SLC22A24: variants seen among roughly 807,000 people sequenced by gnomAD.
The protein encoded by SLC22A24 is steroid transmembrane transporter SLC22A24.
SLC22A24 carries 53 observed loss-of-function variants against 49.8 expected under a neutral mutation model. The observed-to-expected ratio is 1.06, with a 90% CI of 0.85 to 1.34. SLC22A24 has a LOEUF of 1.34. Ranked by LOEUF, SLC22A24 falls within the 40% of genes most tolerant of loss-of-function variation. The pLI is 0.00. For missense variants in SLC22A24, 786 were observed against 675.9 expected (o/e 1.16, Z -1.81); for synonymous variants, 302 against 256.4 (o/e 1.18, Z -1.70).
At chr11:63,097,770 C>G (rs2087064687) in intron 5 of SLC22A24, among the ~76,000 whole-genome samples, 1 of 151,868 alleles carries the variant, frequency 6.6e-6, no homozygotes, top group African/African-American at 2.4e-5. Flanking sequence ...ATCCATGTCC[C>G]TACATGGATG....
chr11:63,102,410 G>A (rs2087096873), intron 5 of SLC22A24, among the ~76,000 whole-genome samples: 1 of 152,060 alleles, frequency 6.6e-6, no homozygotes, highest in East Asian at 1.9e-4. Flanking sequence ...ACAGCCTCTA[G>A]GATACTCAGA....
At chr11:63,095,895 T>C in intron 6 of SLC22A24, 96 bp downstream of exon 6, 2 of 906,600 alleles carry the variant, frequency 2.2e-6, no homozygotes. Flanking sequence ...TCTTATGTAT[T>C]AAATGTCCTC....
chr11:63,106,176 G>A (rs2087120625), intron 4 of SLC22A24, among the ~76,000 whole-genome samples: 2 of 146,582 alleles, frequency 1.4e-5, no homozygotes, highest in Non-Finnish European at 3.0e-5. Flanking sequence ...GTGAGAACAT[G>A]CGGTGTTTGG....
At position 63,104,249 on chromosome 11, in the gene SLC22A24, C is replaced by T; in HGVS notation, c.880G>A (p.Glu294Lys). Residue 294 changes from glutamate (E) to lysine (K), a missense_variant, in exon 5 of 10, where the codon GAG becomes AAG. Glu to Lys is a moderately conservative substitution (Grantham distance 56). Transcript: ENST00000612278. The stretch of plus-strand genomic sequence containing the variant: ...ACTCTTCTAAGCTCCTTTAAGCCCT[C>T]ATCTAGCTGATTGTTGATAATCAGC... ...RWLIINNQLD[E>K]GLKELRRVAH... The T allele has an allele frequency of 1.3e-6, 2 of 1,550,756 alleles. No individual in the cohort carries two copies. The highest frequency in any genetic ancestry group is 1.2e-5 in the South Asian group (1 of 84,024).
At chr11:63,112,040 G>A (rs1355229991) in intron 4 of SLC22A24, among the ~76,000 whole-genome samples, 1 of 151,778 alleles carries the variant, frequency 6.6e-6, no homozygotes, top group Non-Finnish European at 1.5e-5. Flanking sequence ...AGAGATTCTG[G>A]TATGTTGTGT....
At chr11:63,137,967 G>A (rs1360169553) in intron 1 of SLC22A24, 2 of 152,198 alleles carry the variant, frequency 1.3e-5, no homozygotes, top group African/African-American at 4.8e-5. Flanking sequence ...ATCTGCAAGG[G>A]TTTGATTAAT....
intron 2 of SLC22A24, among the ~76,000 whole-genome samples, chr11:63,120,188 T>C (rs1466051149): frequency 6.6e-6 from 1 of 151,124 alleles, no homozygotes; most frequent in African/African-American, 2.4e-5. Flanking sequence ...AGACATGAAG[T>C]CCTTGCCCAT....
intron 2 of SLC22A24, among the ~76,000 whole-genome samples, chr11:63,130,894 A>G (rs1292950759): frequency 1.3e-5 from 2 of 151,310 alleles, no homozygotes; most frequent in Non-Finnish European, 2.9e-5. Context: ...TCTCATTATT[A>G]TTGTGTGGTA....
At chr11:63,112,345 T>C (rs2087171973) in intron 4 of SLC22A24, among the ~76,000 whole-genome samples, 1 of 152,146 alleles carries the variant, frequency 6.6e-6, no homozygotes, top group African/African-American at 2.4e-5. Context: ...GGGTAGAGAG[T>C]TCTGTAGATG....
chr11:63,123,023 G>A (rs1199511804), intron 2 of SLC22A24, among the ~76,000 whole-genome samples: 2 of 152,072 alleles, frequency 1.3e-5, no homozygotes, highest in Non-Finnish European at 2.9e-5. Context: ...GTTAACTAAA[G>A]TAATCCTACA....
chr11:63,108,656 C>G (rs1344581979), intron 4 of SLC22A24, among the ~76,000 whole-genome samples: 1 of 152,022 alleles, frequency 6.6e-6, no homozygotes, highest in Non-Finnish European at 1.5e-5. Flanking sequence ...GGTGTTTAGT[C>G]TTGGGAGGGT....
chr11:63,127,476 T>A (rs11494054), intron 2 of SLC22A24, among the ~76,000 whole-genome samples: 18,057 of 152,210 alleles, frequency 0.12, 1,204 homozygotes, highest in Middle Eastern at 0.16. Context: ...TGATTTATAA[T>A]CCTTTGGGTA....
chr11:63,098,925 G>T (rs2087072164), intron 5 of SLC22A24, among the ~76,000 whole-genome samples: 1 of 152,034 alleles, frequency 6.6e-6, no homozygotes, highest in Non-Finnish European at 1.5e-5. Context: ...AATGAAAAAG[G>T]TGACATTACA....
intron 2 of SLC22A24, among the ~76,000 whole-genome samples, chr11:63,121,005 G>A (rs751683791): frequency 1.3e-5 from 2 of 152,084 alleles, no homozygotes; most frequent in Non-Finnish European, 2.9e-5. Context: ...AGATAAGAGG[G>A]AGGGATAAAT....
intron 5 of SLC22A24, among the ~76,000 whole-genome samples, chr11:63,102,451 G>A (rs902518429): frequency 6.6e-6 from 1 of 152,126 alleles, no homozygotes; most frequent in African/African-American, 2.4e-5. Flanking sequence ...CTCAGCAGGA[G>A]CCATAGGTAG....
At chr11:63,080,063 T>A (rs1454361442) in intron 9 of SLC22A24, 63 bp from the exon 10 acceptor site, 41 of 1,063,244 alleles carry the variant, frequency 3.9e-5, no homozygotes, top group Non-Finnish European at 5.4e-5. Flanking sequence ...AGATATAGAT[T>A]AAGCATATAT....
chr11:63,125,868 T>C (rs1189512836), intron 2 of SLC22A24, among the ~76,000 whole-genome samples: 5 of 152,200 alleles, frequency 3.3e-5, no homozygotes, highest in African/African-American at 4.8e-5. Flanking sequence ...TGTGAGATGG[T>C]ATCTCATTGT....
At chr11:63,125,766 CCCA>C (rs368986892) in intron 2 of SLC22A24, among the ~76,000 whole-genome samples, 5,836 of 152,248 alleles carry the variant, frequency 0.038, 361 homozygotes, top group African/African-American at 0.13. Context: ...AATTTACACT[CCCA>C]CCAACAGTGT....
intron 4 of SLC22A24, among the ~76,000 whole-genome samples, chr11:63,105,808 TTC>T (rs1229673229): frequency 2.0e-5 from 3 of 152,168 alleles, no homozygotes; most frequent in Non-Finnish European, 2.9e-5. Flanking sequence ...TTATGCAAGT[TTC>T]TGCAGCAGGC....
Sources: allele counts gnomAD v4.1 joint callset (sites outside exome capture counted in the v4.1 genomes callset), GRCh38; gene constraint gnomAD v4.1.1; transcripts MANE v1.5; gene names NCBI Gene and HGNC (gene_info 2026-07-23, HGNC 2026-07-21).